The following TENM4 variants were observed in gnomAD, a reference collection of about 807,000 sequenced individuals.
The protein encoded by TENM4 is teneurin transmembrane protein 4.
TENM4 carries 82 observed loss-of-function variants against 243.3 expected under a neutral mutation model. The ratio of observed to expected loss-of-function variants is 0.34; its 90% CI spans 0.28 to 0.40. TENM4 has a LOEUF of 0.40. Among genes scored for constraint, TENM4 ranks in the 10% least tolerant of loss-of-function variants. TENM4 has a pLI of 1.00. For missense variants in TENM4, 3,138 were observed against 3,673.3 expected (o/e 0.85, Z 3.77); for synonymous variants, 1,412 against 1,456.3 (o/e 0.97, Z 0.69).
chr11:79,083,043 G>A (rs1396105473), intron 4 of TENM4, among the ~76,000 whole-genome samples: 2 of 152,322 alleles, frequency 1.3e-5, no homozygotes, highest in African/African-American at 4.8e-5. Flanking sequence ...AGTTCTACAC[G>A]CCTAATCAAG....
intron 6 of TENM4, among the ~76,000 whole-genome samples, chr11:79,004,153 A>G (rs1858411439): frequency 1.3e-5 from 2 of 152,362 alleles, no homozygotes; most frequent in South Asian, 4.1e-4. Context: ...AAGTTCTTAG[A>G]GATCTAGAAA....
intron 4 of TENM4, among the ~76,000 whole-genome samples, chr11:79,109,670 G>A (rs962535080): frequency 1.3e-5 from 2 of 152,244 alleles, no homozygotes; most frequent in African/African-American, 4.8e-5. Context: ...GGGTTGCCGA[G>A]TAGGTAACGA....
At chr11:79,183,061 T>C (rs1863314352) in intron 3 of TENM4, among the ~76,000 whole-genome samples, 1 of 152,170 alleles carries the variant, frequency 6.6e-6, no homozygotes, top group Non-Finnish European at 1.5e-5. Context: ...CCTTGGTATT[T>C]ACCCAAATGA....
intron 3 of TENM4, among the ~76,000 whole-genome samples, chr11:79,178,207 G>A (rs1017307386): frequency 3.3e-5 from 5 of 152,140 alleles, no homozygotes; most frequent in Non-Finnish European, 7.4e-5. Context: ...CACAGGAAGA[G>A]CAGGTTGGCA....
intron 4 of TENM4, among the ~76,000 whole-genome samples, chr11:79,132,290 G>A (rs1386346501): frequency 7.4e-6 from 1 of 135,112 alleles, no homozygotes; most frequent in Non-Finnish European, 1.6e-5. Flanking sequence ...AGCTTGCAGT[G>A]AGCTGAGATA....
intron 15 of TENM4, among the ~76,000 whole-genome samples, chr11:78,793,562 AC>A (rs1235999895): frequency 6.6e-6 from 1 of 152,212 alleles, no homozygotes; most frequent in African/African-American, 2.4e-5. Flanking sequence ...GAGTTACTGC[AC>A]AAGTGGGGGA....
At chr11:79,398,149 G>A (rs919718203) in intron 1 of TENM4, among the ~76,000 whole-genome samples, 2 of 152,160 alleles carry the variant, frequency 1.3e-5, no homozygotes, top group African/African-American at 4.8e-5. Context: ...GCCCAAGTTT[G>A]CTACACATTC....
chr11:79,108,797 C>A (rs998570495), intron 4 of TENM4, among the ~76,000 whole-genome samples: 2 of 152,208 alleles, frequency 1.3e-5, no homozygotes, highest in Non-Finnish European at 2.9e-5. Context: ...ACCTAGTGAT[C>A]CTGGGTGCCC....
intron 29 of TENM4, among the ~76,000 whole-genome samples, chr11:78,686,104 T>C (rs531549164): frequency 2.6e-5 from 4 of 152,298 alleles, no homozygotes; most frequent in South Asian, 4.1e-4. Flanking sequence ...TCCTGCTCCA[T>C]ACCCTGGAGG....
At chr11:79,340,077 T>A (rs1299204546) in intron 1 of TENM4, among the ~76,000 whole-genome samples, 1 of 152,164 alleles carries the variant, frequency 6.6e-6, no homozygotes, top group African/African-American at 2.4e-5. Flanking sequence ...GAGGCCGCAA[T>A]GGAAGATAAA....
chr11:78,693,939 C>G (rs908631595), intron 28 of TENM4, among the ~76,000 whole-genome samples: 1 of 152,020 alleles, frequency 6.6e-6, no homozygotes, highest in African/African-American at 2.4e-5. Flanking sequence ...TGATTGAACC[C>G]GGGAGACAGA....
chr11:79,270,072 T>C (rs1283335516), intron 2 of TENM4, among the ~76,000 whole-genome samples: 1 of 151,954 alleles, frequency 6.6e-6, no homozygotes, highest in African/African-American at 2.4e-5. Flanking sequence ...CAGTGATTGC[T>C]GGATTTGTCC....
At chr11:78,677,454 A>C (rs1019231702) in intron 29 of TENM4, among the ~76,000 whole-genome samples, 3 of 151,968 alleles carry the variant, frequency 2.0e-5, no homozygotes, top group African/African-American at 7.3e-5. Context: ...CCAGGTTTCA[A>C]TATTTGACCA....
intron 4 of TENM4, among the ~76,000 whole-genome samples, chr11:79,077,313 T>A (rs192555910): frequency 3.3e-5 from 5 of 152,196 alleles, no homozygotes; most frequent in Non-Finnish European, 7.4e-5. Context: ...CAGGCCAAGG[T>A]GGGTCAAAGG....
chr11:78,659,782 G>A (rs753418100), intron 33 of TENM4, among the ~76,000 whole-genome samples: 2 of 152,192 alleles, frequency 1.3e-5, no homozygotes, highest in Non-Finnish European at 2.9e-5. Context: ...CCAACTTGGC[G>A]TATCATCTAC....
chr11:78,773,338 C>A (rs751932991), intron 17 of TENM4, among the ~76,000 whole-genome samples: 3 of 152,168 alleles, frequency 2.0e-5, no homozygotes, highest in Non-Finnish European at 4.4e-5. Context: ...TTTCTTTGAG[C>A]CTCAGTCTTT....
At chr11:79,083,890 G>A (rs1365874999) in intron 4 of TENM4, among the ~76,000 whole-genome samples, 1 of 152,168 alleles carries the variant, frequency 6.6e-6, no homozygotes, top group Non-Finnish European at 1.5e-5. Context: ...AGGAGGAAAA[G>A]GCAAGCTACA....
chr11:79,326,062 C>T (rs1054435468), intron 1 of TENM4, among the ~76,000 whole-genome samples: 2 of 152,220 alleles, frequency 1.3e-5, no homozygotes, highest in Non-Finnish European at 2.9e-5. Flanking sequence ...AGAGAGCAAA[C>T]GTGCGCCTTA....
At chr11:79,338,280 T>C (rs947565437) in intron 1 of TENM4, among the ~76,000 whole-genome samples, 1 of 152,256 alleles carries the variant, frequency 6.6e-6, no homozygotes, top group Non-Finnish European at 1.5e-5. Flanking sequence ...AGCTGCTGCA[T>C]CTGAGATTCC....
Sources: gnomAD v4.1 joint callset for allele counts (sites outside exome capture counted in the v4.1 genomes callset) on GRCh38, gnomAD v4.1.1 for gene constraint, MANE v1.5 for transcripts, NCBI Gene and HGNC (gene_info 2026-07-23, HGNC 2026-07-21) for gene names.